DOK6: variants seen among roughly 807,000 people sequenced by gnomAD.
DOK6 encodes downstream of tyrosine kinase 6.
DOK6 carries 22 observed loss-of-function variants against 44.0 expected under a neutral mutation model. The ratio of observed to expected loss-of-function variants is 0.50; its 90% CI spans 0.36 to 0.71. The LOEUF (loss-of-function observed/expected upper bound fraction) is 0.71. Among genes scored for constraint, DOK6 ranks in the 30% least tolerant of loss-of-function variants. The pLI is 0.00. For synonymous variants in DOK6, 166 were observed against 145.5 expected, an observed-to-expected ratio of 1.14 and a Z score of -1.01; for missense variants, 340 against 416.4, an observed-to-expected ratio of 0.82 and a Z score of 1.60.
chr18:69,471,181 C>T (rs1767104463), intron 1 of DOK6, among the ~76,000 whole-genome samples: 2 of 132,110 alleles, frequency 1.5e-5, no homozygotes, highest in African/African-American at 5.9e-5. Flanking sequence ...ACCTGGGAGG[C>T]AGAGGTTGCG....
rs1982294476 is a variant in DOK6 at position 69,844,044 on chromosome 18, C to T, written c.*2661C>T. On this transcript the variant is annotated 3_prime_UTR_variant, in exon 8 of 8. Transcript: ENST00000382713. The stretch of plus-strand genomic sequence containing the variant: ...AAAGATGGAAAGTCACTGCACCAGT[C>T]TCCTGGAACTTCATAAAATCAATTT... The T allele has an allele frequency of 6.6e-6, 1 of 152,186 alleles. No homozygotes were observed. The highest frequency in any genetic ancestry group is 2.1e-4 in the South Asian group (1 of 4,834). The allele number at this position is 152,186 out of a possible 1,614,324, so 9.4% of individuals were successfully genotyped here.
At chr18:69,564,408 A>C (rs971442278) in intron 1 of DOK6, 79 bp from the exon 2 acceptor site, 12 of 1,234,444 alleles carry the variant, frequency 9.7e-6, no homozygotes, top group Non-Finnish European at 1.4e-5. Context: ...CACTTAAAAA[A>C]TTGATTAATT....
At chr18:69,504,234 T>A (rs2144550680) in intron 1 of DOK6, among the ~76,000 whole-genome samples, 1 of 152,182 alleles carries the variant, frequency 6.6e-6, no homozygotes, top group South Asian at 2.1e-4. Flanking sequence ...AAGATCTATC[T>A]CTTTGTTGTT....
intron 3 of DOK6, among the ~76,000 whole-genome samples, chr18:69,645,829 C>T (rs1985058263): frequency 6.6e-6 from 1 of 152,124 alleles, no homozygotes; most frequent in African/African-American, 2.4e-5. Flanking sequence ...ACAAAGACAG[C>T]ATTTCCTGAG....
intron 7 of DOK6, among the ~76,000 whole-genome samples, chr18:69,765,371 G>A (rs772518276): frequency 4.7e-4 from 71 of 152,136 alleles, no homozygotes; most frequent in Non-Finnish European, 7.5e-4. Context: ...AACATTTATT[G>A]TATGCCCATA....
intron 1 of DOK6, among the ~76,000 whole-genome samples, chr18:69,507,840 CTCT>C (rs1981238795): frequency 6.6e-6 from 1 of 151,860 alleles, no homozygotes; most frequent in Non-Finnish European, 1.5e-5. Flanking sequence ...GTCATTATGC[CTCT>C]TGTTTCTTTT....
chr18:69,760,628 A>G, intron 7 of DOK6, among the ~76,000 whole-genome samples: 1 of 151,746 alleles, frequency 6.6e-6, no homozygotes, highest in East Asian at 1.9e-4. Flanking sequence ...TACTTCCGGG[A>G]TCTTGTATTA....
intron 3 of DOK6, among the ~76,000 whole-genome samples, chr18:69,635,365 CT>C (rs1308414017): frequency 6.6e-6 from 1 of 152,134 alleles, no homozygotes; most frequent in African/African-American, 2.4e-5. Context: ...ATGTTTTGCT[CT>C]GAGATGTGTA....
intron 3 of DOK6, among the ~76,000 whole-genome samples, chr18:69,625,506 A>T (rs1158905113): frequency 6.6e-6 from 1 of 152,214 alleles, no homozygotes; most frequent in Non-Finnish European, 1.5e-5. Flanking sequence ...CATCATGTCT[A>T]TTATTGGTAA....
chr18:69,670,037 C>T (rs1036562786), intron 3 of DOK6, among the ~76,000 whole-genome samples: 4 of 152,244 alleles, frequency 2.6e-5, no homozygotes, highest in South Asian at 2.1e-4. Context: ...TGGTCCTCCT[C>T]GGAAGAAAAT....
At chr18:69,820,389 A>G (rs1300245580) in intron 7 of DOK6, among the ~76,000 whole-genome samples, 1 of 152,204 alleles carries the variant, frequency 6.6e-6, no homozygotes, top group Admixed American at 6.5e-5. Context: ...AGAATCCCAA[A>G]TAATTTTTCC....
At chr18:69,454,624 G>A (rs2122464353) in intron 1 of DOK6, among the ~76,000 whole-genome samples, 1 of 116,490 alleles carries the variant, frequency 8.6e-6, no homozygotes, top group South Asian at 3.8e-4. Context: ...GTTTATTGCA[G>A]CATTATTCAC....
At chr18:69,436,027 A>G (rs924650136) in intron 1 of DOK6, among the ~76,000 whole-genome samples, 3 of 152,070 alleles carry the variant, frequency 2.0e-5, no homozygotes, top group African/African-American at 7.2e-5. Context: ...GGTTTTTAAT[A>G]TTTATGTCCT....
At chr18:69,534,236 C>A (rs1982060423) in intron 1 of DOK6, among the ~76,000 whole-genome samples, 1 of 152,056 alleles carries the variant, frequency 6.6e-6, no homozygotes. Context: ...GGGTTCTATT[C>A]TATAAAATAA....
At chr18:69,795,874 A>AT (rs1187556189) in intron 7 of DOK6, among the ~76,000 whole-genome samples, 5 of 152,274 alleles carry the variant, frequency 3.3e-5, no homozygotes, top group African/African-American at 1.2e-4. Context: ...GTTCAGGTTT[A>AT]TTTTTCCTCT....
At chr18:69,569,285 G>A (rs1021449602) in intron 2 of DOK6, among the ~76,000 whole-genome samples, 17 of 152,164 alleles carry the variant, frequency 1.1e-4, no homozygotes, top group African/African-American at 4.1e-4. Context: ...GCTGACACTT[G>A]AACCAGTTAT....
chr18:69,717,742 T>G (rs1003274484), intron 5 of DOK6, among the ~76,000 whole-genome samples: 1 of 152,160 alleles, frequency 6.6e-6, no homozygotes, highest in African/African-American at 2.4e-5. Context: ...TCCTTGGCCC[T>G]GGGGTGATCA....
intron 1 of DOK6, among the ~76,000 whole-genome samples, chr18:69,498,323 A>G (rs1001295770): frequency 6.6e-6 from 1 of 152,200 alleles, no homozygotes; most frequent in South Asian, 2.1e-4. Flanking sequence ...AAATAGAACA[A>G]TTCTTCTTTG....
intron 3 of DOK6, among the ~76,000 whole-genome samples, chr18:69,655,798 A>G (rs143573268): frequency 3.3e-5 from 5 of 150,868 alleles, no homozygotes; most frequent in East Asian, 1.9e-4. Flanking sequence ...AGAACAAAGC[A>G]TAAAATATGA....
Sources: gnomAD v4.1 joint callset for allele counts (sites outside exome capture counted in the v4.1 genomes callset) on GRCh38, gnomAD v4.1.1 for gene constraint, MANE v1.5 for transcripts, NCBI Gene and HGNC (gene_info 2026-07-23, HGNC 2026-07-21) for gene names.